Variants in NRXN3 observed in about 807,000 individuals in gnomAD.
NRXN3 encodes neurexin III.
Under a neutral mutation model 137.6 loss-of-function variants are expected in NRXN3, and 32 were observed. The ratio of observed to expected loss-of-function variants is 0.23; its 90% CI spans 0.18 to 0.31. The LOEUF is 0.31. NRXN3 is among the 10% of genes least tolerant of loss of function. The pLI is 1.00. For missense variants in NRXN3, 1,574 were observed against 2,062.5 expected, an observed-to-expected ratio of 0.76 and a Z score of 4.59; for synonymous variants, 798 against 784.5, an observed-to-expected ratio of 1.02 and a Z score of -0.29.
rs35515937 is a variant in NRXN3, at chr14:79,316,729, C to CCTCTCTCT, written c.3263-150465_3263-150458dup. Among the ~76,000 whole-genome samples the CCTCTCTCT allele has an allele frequency of 7.4e-3, 1,023 of 137,994 alleles. 14 individuals are homozygous for CCTCTCTCT. The highest frequency in any genetic ancestry group is 0.015 in the Middle Eastern group (4 of 266). The allele number at this position is 137,994 out of a possible 152,430, so 90.5% of individuals were successfully genotyped here. On this transcript the variant is annotated intron_variant, in intron 15 of 20. Transcript: ENST00000335750. Reference sequence around the variant, plus strand: ...TTATCATCATGTAATCTGTCCTGTCCCTCTCTCTCTCTCTCTCTCTCTCTC... The same window carrying CCTCTCTCT: ...TTATCATCATGTAATCTGTCCTGTCCCTCTCTCTCTCTCTCTCTCTCTCTCTCTCTCTC...
intron 4 of NRXN3, among the ~76,000 whole-genome samples, chr14:78,446,215 G>C (rs1254213841): frequency 6.6e-6 from 1 of 152,076 alleles, no homozygotes; most frequent in Non-Finnish European, 1.5e-5. Context: ...AGATTTTTGG[G>C]CTACTCCCAC....
chr14:78,987,019 CAAAAAAAA>C (rs36081362), intron 14 of NRXN3, among the ~76,000 whole-genome samples: 1 of 54,114 alleles, frequency 1.8e-5, no homozygotes, highest in East Asian at 5.4e-4. Context: ...GAGACTGTCT[CAAAAAAAA>C]AAAAAAAAAA....
intron 4 of NRXN3, among the ~76,000 whole-genome samples, chr14:78,508,358 C>T (rs1200559452): frequency 2.6e-5 from 4 of 152,166 alleles, no homozygotes; most frequent in Non-Finnish European, 5.9e-5. Context: ...CACAGGCTCA[C>T]CAGTGTCCCA....
At chr14:79,829,469 G>T (rs1379086421) in intron 20 of NRXN3, among the ~76,000 whole-genome samples, 2 of 152,176 alleles carry the variant, frequency 1.3e-5, no homozygotes, top group Non-Finnish European at 2.9e-5. Flanking sequence ...ATTGCATTGT[G>T]TAGGATTCCT....
At chr14:79,137,273 G>C (rs1283833304) in intron 15 of NRXN3, among the ~76,000 whole-genome samples, 1 of 152,186 alleles carries the variant, frequency 6.6e-6, no homozygotes, top group Admixed American at 6.6e-5. Context: ...GGTGACAGGA[G>C]AGTGTTCTGT....
chr14:78,985,692 A>G (rs1405492611), intron 14 of NRXN3, among the ~76,000 whole-genome samples: 3 of 152,166 alleles, frequency 2.0e-5, no homozygotes, highest in Non-Finnish European at 2.9e-5. Flanking sequence ...TAAACCTTCC[A>G]TGTGTTTCTG....
At chr14:79,208,257 G>T (rs2370936) in intron 15 of NRXN3, among the ~76,000 whole-genome samples, 1 of 152,066 alleles carries the variant, frequency 6.6e-6, no homozygotes, top group Non-Finnish European at 1.5e-5. Context: ...TAAATTTGGG[G>T]GTCACTTAAT....
chr14:79,677,116 T>C (rs2098645018), intron 17 of NRXN3, among the ~76,000 whole-genome samples: 1 of 152,090 alleles, frequency 6.6e-6, no homozygotes, highest in Non-Finnish European at 1.5e-5. Flanking sequence ...CTACAAAACT[T>C]TTAAGCTTTT....
chr14:79,428,928 CAATT>C (rs1414724427), intron 15 of NRXN3, among the ~76,000 whole-genome samples: 3 of 152,082 alleles, frequency 2.0e-5, no homozygotes, highest in African/African-American at 7.2e-5. Context: ...TATTCTTTGT[CAATT>C]AATTTTTACT....
At chr14:78,813,200 TA>T (rs1419235339) in intron 10 of NRXN3, among the ~76,000 whole-genome samples, 1 of 152,216 alleles carries the variant, frequency 6.6e-6, no homozygotes, top group Non-Finnish European at 1.5e-5. Context: ...TCATCCCTGG[TA>T]TTATTGGCAT....
chr14:79,314,685 G>A (rs921104308), intron 15 of NRXN3, among the ~76,000 whole-genome samples: 13 of 141,222 alleles, frequency 9.2e-5, no homozygotes, highest in African/African-American at 3.2e-4. Flanking sequence ...TTTGAAGAGA[G>A]CAGTGGTTCT....
At chr14:79,319,818 T>G (rs932094597) in intron 15 of NRXN3, among the ~76,000 whole-genome samples, 1 of 152,176 alleles carries the variant, frequency 6.6e-6, no homozygotes. Flanking sequence ...ATGAGTTGCA[T>G]TCTCTCTTGA....
At chr14:78,665,952 T>G (rs1315336418) in intron 6 of NRXN3, among the ~76,000 whole-genome samples, 1 of 152,176 alleles carries the variant, frequency 6.6e-6, no homozygotes, top group Non-Finnish European at 1.5e-5. Flanking sequence ...CTCTTTTTCT[T>G]TATCCTCGAA....
rs2098792976 is a variant in NRXN3, at chr14:79,709,083, C to G, written c.4014+11146C>G. Among the ~76,000 whole-genome samples, 5 of 152,024 alleles carry G rather than the reference C, an allele frequency of 3.3e-5. No individual in the cohort carries two copies. The South Asian group carries it at 8.3e-4, about 25-fold the overall frequency. ...AACTTTAATGTGTGTATACAGATCA[C>G]CTGGGTAATCTTATTAAGCACAGAT... On this transcript the variant is annotated intron_variant, in intron 19 of 20. Coordinates refer to ENST00000335750, the MANE Select transcript of NRXN3 (RefSeq NM_001330195.2).
chr14:78,560,877 T>G (rs2152267875), intron 4 of NRXN3, among the ~76,000 whole-genome samples: 1 of 152,332 alleles, frequency 6.6e-6, no homozygotes, highest in East Asian at 1.9e-4. Flanking sequence ...TGCTTTTAGG[T>G]TTCAGGTCTT....
chr14:78,173,709 CTTTT>C (rs10638142), intron 1 of NRXN3, among the ~76,000 whole-genome samples: 1 of 69,358 alleles, frequency 1.4e-5, no homozygotes, highest in East Asian at 5.1e-4. Flanking sequence ...TTTTTCCTTG[CTTTT>C]TTTTTTTTTT....
At chr14:78,799,166 T>C (rs973019883) in intron 8 of NRXN3, among the ~76,000 whole-genome samples, 1 of 152,224 alleles carries the variant, frequency 6.6e-6, no homozygotes, top group African/African-American at 2.4e-5. Context: ...AGGCTGCAAC[T>C]TTTTTGGACC....
chr14:79,774,575 A>G lies in NRXN3; in HGVS notation c.4015-30537A>G, dbSNP rs147272838. ...ATTATATTCAGAAACCCATAATCAG[A>G]CCGTTAATGAATGTCTTCGCATTCA... On this transcript the variant is annotated intron_variant, in intron 19 of 20. Transcript: ENST00000335750. 5.2e-3 allele frequency among the ~76,000 whole-genome samples: 786 copies of G among 152,240 alleles called. 3 individuals carry two copies. Among genetic ancestry groups the G allele is most frequent in the African/African-American group, 0.018 (767 of 41,560 alleles).
At chr14:79,347,330 C>A (rs975695343) in intron 15 of NRXN3, among the ~76,000 whole-genome samples, 1 of 151,674 alleles carries the variant, frequency 6.6e-6, no homozygotes, top group Admixed American at 6.6e-5. Context: ...TCAGAAAGAT[C>A]TCATTAAACT....
Sources: allele counts gnomAD v4.1 joint callset (sites outside exome capture counted in the v4.1 genomes callset), GRCh38; gene constraint gnomAD v4.1.1; transcripts MANE v1.5; gene names NCBI Gene and HGNC (gene_info 2026-07-23, HGNC 2026-07-21).